The following KNG1 variants were observed in gnomAD, a reference collection of about 807,000 sequenced individuals.
The protein encoded by KNG1 is kininogen-1.
A neutral mutation model predicts 47.8 loss-of-function variants in KNG1; 23 were observed. The ratio of observed to expected loss-of-function variants is 0.48; its 90% confidence interval spans 0.35 to 0.68. The LOEUF is 0.68. KNG1 is among the 30% of genes least tolerant of loss of function. The pLI is 0.01. For missense variants in KNG1, 762 were observed against 790.2 expected (o/e 0.96, Z 0.43); for synonymous variants, 277 against 277.0 (o/e 1.00, Z 0.00).
chr3:186,742,300 A>C lies in KNG1; in HGVS notation c.1904A>C (p.Tyr635Ser). Residue 635 changes from tyrosine (Y) to serine (S), a missense_variant, in exon 10 of 10, where the codon TAT becomes TCT. Coordinates refer to ENST00000644859, the MANE Select transcript of KNG1 (RefSeq NM_001102416.3). Reference sequence around the variant, plus strand: ...CCAACCACACAAATGAAAGAATCTTATTATTTCGATCTCACTGATGGCCTT... The same window carrying C: ...CCAACCACACAAATGAAAGAATCTTCTTATTTCGATCTCACTGATGGCCTT... ...INPTTQMKES[Y>S]YFDLTDGLS is the part of the protein sequence containing the mutation. The C allele has an allele frequency of 1.2e-6, 2 of 1,614,154 alleles. No individual in the cohort carries two copies. Among genetic ancestry groups the C allele is most frequent in the Non-Finnish European group, 1.7e-6 (2 of 1,180,006 alleles).
intron 3 of KNG1, among the ~76,000 whole-genome samples, chr3:186,723,601 T>A (rs868090522): frequency 2.0e-5 from 3 of 152,202 alleles, no homozygotes; most frequent in African/African-American, 7.2e-5. Context: ...TGATTTCAAT[T>A]CTTTGTTTAC....
intron 7 of KNG1, 114 bp downstream of exon 7, chr3:186,732,788 T>A: frequency 1.2e-6 from 1 of 849,136 alleles, no homozygotes; most frequent in South Asian, 1.4e-5. Context: ...GATAATGTGA[T>A]TTGGTGCATT....
chr3:186,728,154 A>G (rs576460519), intron 5 of KNG1, among the ~76,000 whole-genome samples: 7 of 152,252 alleles, frequency 4.6e-5, no homozygotes, highest in Admixed American at 1.3e-4. Flanking sequence ...TGTTATCTGA[A>G]CCAAAATTAT....
In KNG1 at chr3:186,743,581, C is replaced by G; in HGVS notation, c.*1250C>G. ...GTTTGTCTTTCATTTTAAATATTGT[C>G]TGTTCTTTTAAATAAACAACCACAG... On this transcript the variant is annotated 3_prime_UTR_variant, in exon 10 of 10. Transcript: ENST00000644859. The G allele has an allele frequency of 1.4e-6, 1 of 722,504 alleles. No individual in the cohort carries two copies. Among genetic ancestry groups the G allele is most frequent in the Non-Finnish European group, 2.5e-6 (1 of 405,824 alleles). The allele number at this position is 722,504 out of a possible 1,614,324, so 44.8% of individuals were successfully genotyped here. A position where few individuals can be genotyped will look rare whatever the true frequency, so the allele number is the denominator to read the frequency against.
intron 5 of KNG1, among the ~76,000 whole-genome samples, chr3:186,730,707 TATATATATACACACAC>T (rs1560065994): frequency 3.8e-5 from 4 of 105,264 alleles, no homozygotes; most frequent in African/African-American, 1.6e-4. Flanking sequence ...TATATATATA[TATATATATACACACAC>T]ACACACATAT....
chr3:186,717,678 A>G lies in KNG1; in HGVS notation c.136A>G (p.Ser46Gly), dbSNP rs1720022445. ...GGATGCTGCTCTGAAGAAATATAAC[A>G]GTCAAAACCAAAGTAACAACCAGTT... Reference protein sequence around the residue: ...AVDAALKKYNSQNQSNNQFVL... With the variant: ...AVDAALKKYNGQNQSNNQFVL... Residue 46 changes from serine to glycine, a missense_variant, in exon 1 of 10, where the codon AGT becomes GGT. Coordinates refer to ENST00000644859, the MANE Select transcript of KNG1 (RefSeq NM_001102416.3). 1 of 1,613,046 alleles carries G rather than the reference A, an allele frequency of 6.2e-7. No individual in the cohort carries two copies. Among genetic ancestry groups the G allele is most frequent in the Admixed American group, 1.7e-5 (1 of 60,006 alleles).
intron 5 of KNG1, among the ~76,000 whole-genome samples, chr3:186,729,714 C>T (rs1049775096): frequency 6.7e-6 from 1 of 150,158 alleles, no homozygotes; most frequent in Non-Finnish European, 1.5e-5. Flanking sequence ...GTCTTGTTGC[C>T]CAGGCTGGAG....
Position 186,742,535 on chromosome 3 carries a change from T to G in KNG1, c.*204T>G. 1 of 1,402,850 alleles carries G rather than the reference T, an allele frequency of 7.1e-7. No homozygotes were observed. The highest frequency in any genetic ancestry group is 9.2e-7 in the Non-Finnish European group (1 of 1,082,662). The allele number at this position is 1,402,850 out of a possible 1,614,324, so 86.9% of individuals were successfully genotyped here. On this transcript the variant is annotated 3_prime_UTR_variant, in exon 10 of 10. Transcript: ENST00000644859. Reference sequence around the variant, plus strand: ...AATTGTGTGCCACAATTCTAACTCTTTTCTGAATCTTCTTCCCAAGTTTTC... The same window carrying G: ...AATTGTGTGCCACAATTCTAACTCTGTTCTGAATCTTCTTCCCAAGTTTTC...
At chr3:186,728,971 T>C (rs1262154585) in intron 5 of KNG1, 4 of 152,192 alleles carry the variant, frequency 2.6e-5, no homozygotes, top group Non-Finnish European at 4.4e-5. Context: ...TGATTCTTTA[T>C]ATTTTTTGGA....
rs768846436 is a variant in KNG1, at chr3:186,727,239, G to A, written c.567G>A (p.Val189=). The A allele has an allele frequency of 2.5e-6, 4 of 1,604,078 alleles. No individual in the cohort carries two copies. In the Admixed American group the frequency reaches 6.7e-5, roughly 27 times the overall value. The change falls in exon 5 of 10, where the codon GTG becomes GTA. Residue 189 remains valine (V), a splice_region_variant and synonymous_variant. Transcript: ENST00000644859. The part of the protein sequence containing the change: ...LNEVKRAQRQ[V]VAGLNFRITY... ...TATTCAATCTGAAATTGTTTCAGGTGGTGGCTGGATTGAACTTTCGAATTA... is the reference window on the plus strand; with the variant it reads ...TATTCAATCTGAAATTGTTTCAGGTAGTGGCTGGATTGAACTTTCGAATTA...
chr3:186,741,502 T>C lies in KNG1; in HGVS notation c.1126-20T>C. On this transcript the variant is annotated intron_variant, in intron 9 of 9. Coordinates refer to ENST00000644859, the MANE Select transcript of KNG1 (RefSeq NM_001102416.3). ...CATGATTTTTGCAGTAATACATTCA[T>C]CTTAATATTTTCTGTTTAGATCTCA... 2 of 1,602,872 alleles carry C rather than the reference T, an allele frequency of 1.2e-6. No individual in the cohort carries two copies. The highest frequency in any genetic ancestry group is 2.2e-5 in the South Asian group (2 of 89,536).
Position 186,742,062 on chromosome 3 carries a change from G to T in KNG1, c.1666G>T (p.Val556Leu), listed in dbSNP as rs200259344. Residue 556 changes from valine (V) to leucine (L), a missense_variant, in exon 10 of 10, where the codon GTA becomes TTA. Physicochemically the swap from Val to Leu is conservative, Grantham distance 32. Coordinates refer to ENST00000644859, the MANE Select transcript of KNG1 (RefSeq NM_001102416.3). Reference protein sequence around the residue: ...TPIPSLAKPGVTVTFSDFQDS... With the variant: ...TPIPSLAKPGLTVTFSDFQDS... ...CATCCCTTCCCTAGCCAAGCCAGGT[G>T]TAACAGTTACCTTTTCTGACTTTCA... 1.4e-5 allele frequency: 22 copies of T among 1,613,872 alleles called. No homozygotes were observed. Among genetic ancestry groups the T allele is most frequent in the Non-Finnish European group, 1.6e-5 (19 of 1,179,906 alleles).
rs762164777 is a variant in KNG1, at chr3:186,717,506, A to T, written c.-37A>T. 2.0e-6 allele frequency: 3 copies of T among 1,495,164 alleles called. No homozygotes were observed. The highest frequency in any genetic ancestry group is 2.8e-6 in the Non-Finnish European group (3 of 1,073,638). The allele number at this position is 1,495,164 out of a possible 1,614,324, so 92.6% of individuals were successfully genotyped here. A position where few individuals can be genotyped will look rare whatever the true frequency, so the allele number is the denominator to read the frequency against. On this transcript the variant is annotated 5_prime_UTR_variant, in exon 1 of 10. Transcript: ENST00000644859. Reference sequence around the variant, plus strand: ...CCAGTTGGCTCTTGATTCTTGGTGAAACCATCCCTCAGCTCCTAGAGGGAG... The same window carrying T: ...CCAGTTGGCTCTTGATTCTTGGTGATACCATCCCTCAGCTCCTAGAGGGAG...
intron 7 of KNG1, among the ~76,000 whole-genome samples, chr3:186,733,117 A>G (rs5030105): frequency 0.046 from 6,959 of 152,020 alleles, 244 homozygotes; most frequent in Non-Finnish European, 0.069. Flanking sequence ...GTGGTGGTGC[A>G]CACCTGTAGT....
intron 4 of KNG1, among the ~76,000 whole-genome samples, chr3:186,726,569 C>T (rs1195665771): frequency 2.0e-5 from 3 of 152,188 alleles, no homozygotes; most frequent in East Asian, 3.8e-4. Flanking sequence ...GGATTACAGG[C>T]ATGAGCCACC....
intron 7 of KNG1, among the ~76,000 whole-genome samples, chr3:186,733,352 C>G (rs1183043264): frequency 6.6e-6 from 1 of 152,208 alleles, no homozygotes; most frequent in Non-Finnish European, 1.5e-5. Flanking sequence ...GGACTCATCT[C>G]TCATTATAAC....
chr3:186,726,350 G>A (rs2108624778), intron 4 of KNG1, among the ~76,000 whole-genome samples: 1 of 149,220 alleles, frequency 6.7e-6, no homozygotes, highest in African/African-American at 2.5e-5. Context: ...GAGTGCAGTG[G>A]TGCCATCTTG....
At chr3:186,740,608 G>A (rs1720784965) in intron 9 of KNG1, among the ~76,000 whole-genome samples, 1 of 152,182 alleles carries the variant, frequency 6.6e-6, no homozygotes, top group Non-Finnish European at 1.5e-5. Context: ...TTTGAAGCAG[G>A]TTACCTCTTT....
chr3:186,724,900 G>A (rs1347319035), intron 3 of KNG1, among the ~76,000 whole-genome samples, 188 bp from the exon 4 acceptor site: 1 of 151,954 alleles, frequency 6.6e-6, no homozygotes, highest in Non-Finnish European at 1.5e-5. Flanking sequence ...TAGGAGAGAT[G>A]GGGTTTCACC....
Sources: gnomAD v4.1 joint callset for allele counts (sites outside exome capture counted in the v4.1 genomes callset) on GRCh38, gnomAD v4.1.1 for gene constraint, MANE v1.5 for transcripts, NCBI Gene and HGNC (gene_info 2026-07-23, HGNC 2026-07-21) for gene names.